PRXL2B: variants seen among roughly 807,000 people sequenced by gnomAD.
The protein encoded by PRXL2B is prostamide/prostaglandin F synthase.
PRXL2B carries 26 observed loss-of-function variants against 24.4 expected under a neutral mutation model. The ratio of observed to expected loss-of-function variants is 1.07; its 90% CI spans 0.78 to 1.48. PRXL2B has a LOEUF of 1.48. PRXL2B is among the 40% of genes most tolerant of loss of function. PRXL2B has a pLI of 0.00. For missense variants in PRXL2B, 269 were observed against 264.8 expected, an observed-to-expected ratio of 1.02 and a Z score of -0.11; for synonymous variants, 115 against 118.9, an observed-to-expected ratio of 0.97 and a Z score of 0.21.
At chr1:2,586,544 G>A, upstream of PRXL2B, 1 of 387,270 alleles carries the variant, frequency 2.6e-6, no homozygotes, top group Non-Finnish European at 4.5e-6. Context: ...AGGGACCGAA[G>A]CAGGCGGACC....
In PRXL2B at chr1:2,589,610, C is replaced by G; in HGVS notation, c.*183C>G. On this transcript the variant is annotated 3_prime_UTR_variant, in exon 7 of 7. Transcript: ENST00000419916. ...TGACCACGCACTGCTTCGCAGGCTC[C>G]GAGCCCTGCATCCTCCACAGCCCCC... The G allele has an allele frequency of 1.3e-6, 1 of 794,116 alleles. No homozygotes were observed. Among genetic ancestry groups the G allele is most frequent in the African/African-American group, 1.7e-5 (1 of 58,352 alleles). The allele number at this position is 794,116 out of a possible 1,614,324, so 49.2% of individuals were successfully genotyped here. A position where few individuals can be genotyped will look rare whatever the true frequency, so the allele number is the denominator to read the frequency against.
chr1:2,588,805 G>A, intron 5 of PRXL2B, 117 bp from the exon 6 acceptor site: 1 of 1,221,974 alleles, frequency 8.2e-7, no homozygotes, highest in Non-Finnish European at 1.2e-6. Flanking sequence ...CACTCATCTG[G>A]GTAGCCGGGT....
rs1198895016 is a variant in PRXL2B at position 2,590,515 on chromosome 1, A to T, written c.*1088A>T. On this transcript the variant is annotated 3_prime_UTR_variant, in exon 7 of 7. Transcript: ENST00000419916. ...ATTGGACCCTAGGAGACCTGACTGG[A>T]ACTGGCTCCCTCCCCATCAGCTCCC... 6.5e-6 allele frequency: 1 copy of T among 154,038 alleles called. No homozygotes were observed. Among genetic ancestry groups the T allele is most frequent in the Non-Finnish European group, 1.4e-5 (1 of 69,386 alleles). The allele number at this position is 154,038 out of a possible 1,614,324, so 9.5% of individuals were successfully genotyped here.
rs1044217743 is a variant in PRXL2B, at chr1:2,589,810, C to G, written c.*383C>G. 4 of 297,690 alleles carry G rather than the reference C, an allele frequency of 1.3e-5. No homozygotes were observed. Among genetic ancestry groups the G allele is most frequent in the African/African-American group, 8.8e-5 (4 of 45,712 alleles). The allele number at this position is 297,690 out of a possible 1,614,324, so 18.4% of individuals were successfully genotyped here. A position where few individuals can be genotyped will look rare whatever the true frequency, so the allele number is the denominator to read the frequency against. On this transcript the variant is annotated 3_prime_UTR_variant, in exon 7 of 7. Transcript: ENST00000419916. ...AAAGGCGACAGACCCAAGCCCACGT[C>G]AGGAGAGGAGCGTGGGGTCAGCTCC...
chr1:2,589,263 C>T (rs1038423957), intron 6 of PRXL2B, 147 bp from the exon 7 acceptor site: 25 of 1,284,228 alleles, frequency 1.9e-5, no homozygotes, highest in African/African-American at 4.4e-5. Context: ...TGGGACTGTC[C>T]TCAGAGGTGG....
Position 2,590,992 on chromosome 1 carries a change from AC to A in PRXL2B, c.*1567del. ...CGCACAGCGCGGCAGGGCCTTGGCT[AC>A]CACACGCGGCATCGCTCCTTGGGGT... On this transcript the variant is annotated 3_prime_UTR_variant, in exon 7 of 7. Transcript: ENST00000419916. 6.3e-7 allele frequency: 1 copy of A among 1,583,726 alleles called. No individual in the cohort carries two copies. Among genetic ancestry groups the A allele is most frequent in the Non-Finnish European group, 8.6e-7 (1 of 1,167,052 alleles).
At chr1:2,588,028 C>T (rs1644570608) in intron 3 of PRXL2B, among the ~76,000 whole-genome samples, 1 of 152,142 alleles carries the variant, frequency 6.6e-6, no homozygotes, top group Non-Finnish European at 1.5e-5. Context: ...CAGACCACCT[C>T]GTGGGGTGGA....
Position 2,587,953 on chromosome 1 carries a change from A to T in PRXL2B, c.320+161A>T, listed in dbSNP as rs1482409720. 6.6e-6 allele frequency among the ~76,000 whole-genome samples: 1 copy of T among 151,174 alleles called. No homozygotes were observed. Among genetic ancestry groups the T allele is most frequent in the Non-Finnish European group, 1.5e-5 (1 of 67,898 alleles). ...GGCACTGTTGACCAGCCCTTCTGCC[A>T]GGCCTTCTCTTGGGTGCTGGGTGAC... On this transcript the variant is annotated intron_variant, in intron 3 of 6. Coordinates refer to ENST00000419916, the MANE Select transcript of PRXL2B (RefSeq NM_152371.5). This position sits in a 1 kb window ranked among gnomAD's most constrained non-coding sequence, Gnocchi z 6.1.
rs770211827 is a variant in PRXL2B, at chr1:2,588,967, A to C, written c.506A>C (p.Asp169Ala). ...CATTTCGTCCAGAAGTCCCCAGGCG[A>C]CTACGTCCCCAAGGAGCACATCCTG... ...LLHFVQKSPG[D>A]YVPKEHILQV... The change falls in exon 6 of 7, where the codon GAC becomes GCC. Residue 169 changes from aspartate (D) to alanine (A), a missense_variant. Asp to Ala is a moderately radical substitution (Grantham distance 126). Coordinates refer to ENST00000419916, the MANE Select transcript of PRXL2B (RefSeq NM_152371.5). 6.2e-7 allele frequency: 1 copy of C among 1,613,318 alleles called. No individual in the cohort carries two copies. The highest frequency in any genetic ancestry group is 8.5e-7 in the Non-Finnish European group (1 of 1,179,996).
chr1:2,586,908 G>C lies in PRXL2B; in HGVS notation c.23G>C (p.Arg8Pro). ...GCCATGAGCACGGTGGACCTTGCTCGCGTGGGCGCGTGCATCCTGAAGCAT... is the reference window on the plus strand; with the variant it reads ...GCCATGAGCACGGTGGACCTTGCTCCCGTGGGCGCGTGCATCCTGAAGCAT... The part of the protein sequence containing the change: MSTVDLA[R>P]VGACILKHAV... Residue 8 changes from arginine to proline, a missense_variant, in exon 1 of 7, where the codon CGC (arginine) becomes CCC (proline). Transcript: ENST00000419916. 7.6e-7 allele frequency: 1 copy of C among 1,311,030 alleles called. No homozygotes were observed. The highest frequency in any genetic ancestry group is 9.7e-7 in the Non-Finnish European group (1 of 1,031,800). 81.2% of individuals were successfully genotyped at this position (1,311,030 alleles called of 1,614,324 possible).
rs199566846 is a variant in PRXL2B at position 2,589,430 on chromosome 1, G to C, written c.*3G>C. On this transcript the variant is annotated 3_prime_UTR_variant, in exon 7 of 7. Coordinates refer to ENST00000419916, the MANE Select transcript of PRXL2B (RefSeq NM_152371.5). ...CACAGTGTGACAGAGAGGTGTGAGG[G>C]AGGCGAAGGCCCTGGCCTCCGAGGA... is the stretch of plus-strand genomic sequence containing the variant. 1.6e-3 allele frequency: 2,612 copies of C among 1,613,656 alleles called. 4 individuals are homozygous for C. Among genetic ancestry groups the C allele is most frequent in the Non-Finnish European group, 2.1e-3 (2,468 of 1,179,916 alleles).
intron 5 of PRXL2B, 54 bp downstream of exon 5, chr1:2,588,679 T>G (rs548146384): frequency 6.3e-7 from 1 of 1,581,146 alleles, no homozygotes; most frequent in Non-Finnish European, 8.7e-7. Flanking sequence ...TTGCTGAACT[T>G]GGTGGCCCAG....
At position 2,591,197 on chromosome 1, in the gene PRXL2B, C is replaced by T; in HGVS notation, c.*1770C>T. ...AGCCCAAAACATCAGCCTAATGGCT[C>T]ATGTCAGTATGAGCAGAAACATTTC... is the stretch of plus-strand genomic sequence containing the variant. On this transcript the variant is annotated 3_prime_UTR_variant, in exon 7 of 7. Transcript: ENST00000419916. 1.4e-6 allele frequency: 1 copy of T among 711,232 alleles called. No homozygotes were observed. The allele number at this position is 711,232 out of a possible 1,614,324, so 44.1% of individuals were successfully genotyped here.
Position 2,591,006 on chromosome 1 carries a change from C to G in PRXL2B, c.*1579C>G, listed in dbSNP as rs376382985. 3 of 1,596,334 alleles carry G rather than the reference C, an allele frequency of 1.9e-6. No individual in the cohort carries two copies. Among genetic ancestry groups the G allele is most frequent in the Non-Finnish European group, 1.7e-6 (2 of 1,173,046 alleles). Reference sequence around the variant, plus strand: ...GGGCCTTGGCTACCACACGCGGCATCGCTCCTTGGGGTGCATGGGGGTGCC... The same window carrying G: ...GGGCCTTGGCTACCACACGCGGCATGGCTCCTTGGGGTGCATGGGGGTGCC... On this transcript the variant is annotated 3_prime_UTR_variant, in exon 7 of 7. Transcript: ENST00000419916.
chr1:2,590,904 A>T lies in PRXL2B; in HGVS notation c.*1477A>T. 3 of 1,108,330 alleles carry T rather than the reference A, an allele frequency of 2.7e-6. No individual in the cohort carries two copies. The allele number at this position is 1,108,330 out of a possible 1,614,324, so 68.7% of individuals were successfully genotyped here. ...GGCATGGTTGGCCGGGGCGGGACGT[A>T]CACTGGGTCGCCGCTAGCTGCACCT... On this transcript the variant is annotated 3_prime_UTR_variant, in exon 7 of 7. Coordinates refer to ENST00000419916, the MANE Select transcript of PRXL2B (RefSeq NM_152371.5).
In PRXL2B at chr1:2,587,221, G is replaced by T; in HGVS notation, c.194G>T (p.Gly65Val). ...SSLAGLLDQHGVRLVGVGPEA... is the reference protein window; with the variant it reads ...SSLAGLLDQHVVRLVGVGPEA... Reference sequence around the variant, plus strand: ...CTTGCTGGGCTCCTGGACCAACACGGCGTGCGCCTGGTGGGCGTAGGGCCC... The same window carrying T: ...CTTGCTGGGCTCCTGGACCAACACGTCGTGCGCCTGGTGGGCGTAGGGCCC... The change falls in exon 2 of 7, where the codon GGC becomes GTC. Residue 65 changes from glycine (G) to valine (V), a missense_variant. Transcript: ENST00000419916. This position sits in a 1 kb window ranked among gnomAD's most constrained non-coding sequence, Gnocchi z 6.1. 1 of 1,573,046 alleles carries T rather than the reference G, an allele frequency of 6.4e-7. No homozygotes were observed. Among genetic ancestry groups the T allele is most frequent in the East Asian group, 2.3e-5 (1 of 43,030 alleles).
At position 2,586,999 on chromosome 1, in the gene PRXL2B, G is replaced by A. The variant is rs369624749; in HGVS notation, c.63+51G>A. ...TGGGCGCGTCCCTGGCTCCTTGCCCGGGCGTCCTGGCAGCGATGGGGTGGT... is the reference window on the plus strand; with the variant it reads ...TGGGCGCGTCCCTGGCTCCTTGCCCAGGCGTCCTGGCAGCGATGGGGTGGT... On this transcript the variant is annotated intron_variant, in intron 1 of 6. Coordinates refer to ENST00000419916, the MANE Select transcript of PRXL2B (RefSeq NM_152371.5). 195 of 1,318,304 alleles carry A rather than the reference G, an allele frequency of 1.5e-4. 1 individual carries two copies. The African/African-American group carries it at 2.7e-3, about 18-fold the overall frequency. The allele number at this position is 1,318,304 out of a possible 1,614,324, so 81.7% of individuals were successfully genotyped here.
At chr1:2,586,658 T>TCGGGGGCGTGGC (rs1644521605), upstream of PRXL2B, 2 of 1,064,122 alleles carry the variant, frequency 1.9e-6, no homozygotes, top group African/African-American at 1.9e-5. Flanking sequence ...CGGGGTGCGG[T>TCGGGGGCGTGGC]CGGGGGCGTG....
chr1:2,587,304 T>A lies in PRXL2B; in HGVS notation c.268+9T>A. The A allele has an allele frequency of 6.4e-7, 1 of 1,556,222 alleles. No individual in the cohort carries two copies. On this transcript the variant is annotated intron_variant, in intron 2 of 6. Coordinates refer to ENST00000419916, the MANE Select transcript of PRXL2B (RefSeq NM_152371.5). This position sits in a 1 kb window ranked among gnomAD's most constrained non-coding sequence, Gnocchi z 6.1. ...CGACTACTTCGCGGGAGGTGCGTCC[T>A]GTTCCCCGCCGCGGCGGCGCACATA...
Sources: allele counts gnomAD v4.1 joint callset (sites outside exome capture counted in the v4.1 genomes callset), GRCh38; gene constraint gnomAD v4.1.1; non-coding constraint Gnocchi (gnomAD v3.1); transcripts MANE v1.5; gene names NCBI Gene and HGNC (gene_info 2026-07-23, HGNC 2026-07-21).